Variants in LRRK2 observed in about 807,000 individuals in gnomAD.
LRRK2 encodes the protein leucine rich repeat kinase 2.
Under a neutral mutation model 302.6 loss-of-function variants are expected in LRRK2, and 203 were observed. The ratio of observed to expected loss-of-function variants is 0.67; its 90% CI spans 0.60 to 0.75. The LOEUF (loss-of-function observed/expected upper bound fraction) is 0.75. Ranked by LOEUF, LRRK2 falls within the 30% of genes least tolerant of loss-of-function variation. The pLI is 0.00. For missense variants in LRRK2, 2,830 were observed against 2,951.0 expected, an observed-to-expected ratio of 0.96 and a Z score of 0.95; for synonymous variants, 1,066 against 1,031.9, an observed-to-expected ratio of 1.03 and a Z score of -0.63.
intron 14 of LRRK2, among the ~76,000 whole-genome samples, chr12:40,271,585 C>G (rs1161443302): frequency 6.6e-6 from 1 of 152,020 alleles, no homozygotes; most frequent in Admixed American, 6.6e-5. Context: ...ATTTTAATCC[C>G]TATTTGAGCA....
At position 40,259,567 on chromosome 12, in the gene LRRK2, G is replaced by A; in HGVS notation, c.1506G>A (p.Leu502=). ...KRHETSLPVQ[L]EALRAILHFI... is the part of the protein sequence containing the mutation. ...ATGAGACATCATTACCAGTGCAGCT[G>A]GAGGCGCTTCGAGCTATTTTACATT... Residue 502 remains leucine, a synonymous_variant, in exon 13 of 51, where the codon CTG becomes CTA. Transcript: ENST00000298910. 6.2e-7 allele frequency: 1 copy of A among 1,613,352 alleles called. No individual in the cohort carries two copies. The highest frequency in any genetic ancestry group is 8.5e-7 in the Non-Finnish European group (1 of 1,179,458).
chr12:40,345,957 T>C (rs1341894931), intron 41 of LRRK2, among the ~76,000 whole-genome samples: 2 of 152,226 alleles, frequency 1.3e-5, no homozygotes, highest in African/African-American at 2.4e-5. Flanking sequence ...TTAATTTATG[T>C]CATAGCATAT....
At position 40,304,027 on chromosome 12, in the gene LRRK2, G is replaced by T. The variant is rs1401318314; in HGVS notation, c.3670G>T (p.Glu1224Ter). Residue 1224 changes from glutamate (E) to a stop codon, truncating the protein, a stop_gained, in exon 27 of 51, where the codon GAA becomes TAA. Transcript: ENST00000298910. LOFTEE classifies it high-confidence loss of function. Reference protein sequence around the residue: ...PAHWKSLNLRELLFSHNQISI... With the variant: ...PAHWKSLNLR The stretch of plus-strand genomic sequence containing the variant: ...ACACTGGAAATCTTTGAACTTAAGG[G>T]AACTCTTATTTAGCCATAATCAGAT... 3 of 1,613,508 alleles carry T rather than the reference G, an allele frequency of 1.9e-6. No homozygotes were observed. The highest frequency in any genetic ancestry group is 1.3e-5 in the African/African-American group (1 of 74,872).
rs377723711 is a variant in LRRK2 at position 40,309,274 on chromosome 12, G to C, written c.4317+41G>C. On this transcript the variant is annotated intron_variant, in intron 30 of 50. Transcript: ENST00000298910. ...CATTTGAAAATAGAAAATAATTCAT[G>C]TGTCTGTGTGCGTGTGTGTGTGTGT... 45 of 1,550,170 alleles carry C rather than the reference G, an allele frequency of 2.9e-5. No homozygotes were observed. The African/African-American group carries it at 5.2e-4, about 18-fold the overall frequency.
chr12:40,309,232 A>T lies in LRRK2; in HGVS notation c.4316A>T (p.Lys1439Met). ...ATGAAGCCTTGGCTCTTCAATATAA[A>T]GGTGATTTGTTCTGATCATTTGAAA... ...DAMKPWLFNI[K>M]ARASSSPVIL... The change falls in exon 30 of 51, where the codon AAG becomes ATG. Residue 1439 changes from lysine (K) to methionine (M), a missense_variant and splice_region_variant. Lys to Met is a moderately conservative substitution (Grantham distance 95). Coordinates refer to ENST00000298910, the MANE Select transcript of LRRK2 (RefSeq NM_198578.4). 1 of 1,613,374 alleles carries T rather than the reference A, an allele frequency of 6.2e-7. No homozygotes were observed. The highest frequency in any genetic ancestry group is 8.5e-7 in the Non-Finnish European group (1 of 1,179,696).
chr12:40,346,458 C>A (rs1592319086), intron 41 of LRRK2, among the ~76,000 whole-genome samples: 1 of 152,038 alleles, frequency 6.6e-6, no homozygotes, highest in South Asian at 2.1e-4. Context: ...TAATAACTTA[C>A]CATTGAATGT....
At chr12:40,227,131 A>G (rs1187918850) in intron 2 of LRRK2, among the ~76,000 whole-genome samples, 1 of 152,232 alleles carries the variant, frequency 6.6e-6, no homozygotes, top group Non-Finnish European at 1.5e-5. Context: ...TACCAGAGGC[A>G]AAGTATGCTG....
intron 33 of LRRK2, chr12:40,316,498 G>C (rs1341956896): frequency 4.3e-6 from 1 of 231,568 alleles, no homozygotes; most frequent in Non-Finnish European, 7.1e-6. Context: ...AGACAGTAGT[G>C]TGACCCAGAG....
In LRRK2 at chr12:40,249,849, T is replaced by G. The variant is rs1309697861; in HGVS notation, c.862T>G (p.Leu288Val). 6.2e-7 allele frequency: 1 copy of G among 1,613,782 alleles called. No homozygotes were observed. Among genetic ancestry groups the G allele is most frequent in the Non-Finnish European group, 8.5e-7 (1 of 1,179,838 alleles). ...AGGTAATTTTTTCAATATCCTGGTA[T>G]TAAACGAAGTCCATGAGTTTGTGGT... is the stretch of plus-strand genomic sequence containing the variant. ...TLGNFFNILV[L>V]NEVHEFVVKA... The change falls in exon 8 of 51, where the codon TTA becomes GTA. Residue 288 changes from leucine (L) to valine (V), a missense_variant. Leu to Val is a conservative substitution (Grantham distance 32). Transcript: ENST00000298910.
intron 10 of LRRK2, among the ~76,000 whole-genome samples, chr12:40,252,291 CTATT>C (rs1942308607): frequency 6.6e-6 from 1 of 152,092 alleles, no homozygotes; most frequent in Admixed American, 6.6e-5. Flanking sequence ...GTTTAATTAT[CTATT>C]GCTGATAAGA....
intron 43 of LRRK2, 92 bp downstream of exon 43, chr12:40,348,601 T>G: frequency 1.2e-6 from 1 of 810,206 alleles, no homozygotes; most frequent in Non-Finnish European, 2.0e-6. Context: ...CTTAAACACA[T>G]AAACACACAG....
At chr12:40,325,226 G>T (rs1945508574) in intron 38 of LRRK2, among the ~76,000 whole-genome samples, 1 of 152,186 alleles carries the variant, frequency 6.6e-6, no homozygotes, top group African/African-American at 2.4e-5. Context: ...GGCGGAGGTT[G>T]CAGTGAGCCG....
chr12:40,251,803 G>C (rs533365997), intron 10 of LRRK2, among the ~76,000 whole-genome samples: 1 of 152,106 alleles, frequency 6.6e-6, no homozygotes, highest in South Asian at 2.1e-4. Flanking sequence ...CATGGAGAAA[G>C]AATCTTTCTA....
intron 2 of LRRK2, 42 bp from the exon 3 acceptor site, chr12:40,232,232 C>A (rs774024769): frequency 7.2e-7 from 1 of 1,396,850 alleles, no homozygotes; most frequent in South Asian, 1.2e-5. Context: ...GCTCTATTAA[C>A]ATTCTTTAAA....
chr12:40,321,358 A>T (rs1316270441), intron 35 of LRRK2, among the ~76,000 whole-genome samples, 170 bp downstream of exon 35: 2 of 152,016 alleles, frequency 1.3e-5, no homozygotes, highest in East Asian at 3.8e-4. Flanking sequence ...AAAACCTTGG[A>T]GTAGGCAATC....
intron 38 of LRRK2, among the ~76,000 whole-genome samples, chr12:40,323,674 C>T (rs1592288420): frequency 6.6e-6 from 1 of 152,198 alleles, no homozygotes; most frequent in Middle Eastern, 3.4e-3. Flanking sequence ...AAAGGAAGCA[C>T]ACCTCAGTGT....
At chr12:40,262,954 T>A (rs575477641) in intron 13 of LRRK2, among the ~76,000 whole-genome samples, 61 of 152,316 alleles carry the variant, frequency 4.0e-4, no homozygotes, top group African/African-American at 1.4e-3. Context: ...AGGGTGGTTA[T>A]CAAGGCTGCC....
chr12:40,331,064 CT>C (rs1431109141), intron 39 of LRRK2, among the ~76,000 whole-genome samples: 1 of 151,898 alleles, frequency 6.6e-6, no homozygotes, highest in Non-Finnish European at 1.5e-5. Context: ...TGCATTATTG[CT>C]TTTTTCTCTG....
Position 40,244,721 on chromosome 12 carries a change from T to C in LRRK2, c.838+1040T>C, listed in dbSNP as rs543887382. On this transcript the variant is annotated intron_variant, in intron 7 of 50. Coordinates refer to ENST00000298910, the MANE Select transcript of LRRK2 (RefSeq NM_198578.4). ...ATACCTTCCCTTGAACATCACACTC[T>C]GGGGACTGTTGTGGGGTGGGGGGAG... is the stretch of plus-strand genomic sequence containing the variant. Among the ~76,000 whole-genome samples, 6 of 108,898 alleles carry C rather than the reference T, an allele frequency of 5.5e-5. No individual in the cohort carries two copies. The South Asian group carries it at 1.9e-3, about 34-fold the overall frequency. The allele number at this position is 108,898 out of a possible 152,430, so 71.4% of individuals were successfully genotyped here. A position where few individuals can be genotyped will look rare whatever the true frequency, so the allele number is the denominator to read the frequency against.
Sources: allele counts gnomAD v4.1 joint callset (sites outside exome capture counted in the v4.1 genomes callset), GRCh38; gene constraint gnomAD v4.1.1; transcripts MANE v1.5; gene names NCBI Gene and HGNC (gene_info 2026-07-23, HGNC 2026-07-21).